Variants in GRM5 observed in about 807,000 individuals in gnomAD.
The protein encoded by GRM5 is metabotropic glutamate receptor 5.
GRM5 carries 19 observed loss-of-function variants against 83.1 expected under a neutral mutation model. The ratio of observed to expected loss-of-function variants is 0.23; its 90% confidence interval spans 0.16 to 0.34. The LOEUF is 0.34. Among genes scored for constraint, GRM5 ranks in the 10% least tolerant of loss-of-function variants. The pLI, the probability that GRM5 is intolerant of heterozygous loss-of-function variation, is 1.00. For missense variants in GRM5, 1,160 were observed against 1,588.3 expected, an observed-to-expected ratio of 0.73 and a Z score of 4.58; for synonymous variants, 675 against 633.6, an observed-to-expected ratio of 1.07 and a Z score of -0.98.
At chr11:88,951,411 T>C (rs1251154699) in intron 2 of GRM5, among the ~76,000 whole-genome samples, 1 of 152,246 alleles carries the variant, frequency 6.6e-6, no homozygotes, top group Non-Finnish European at 1.5e-5. Flanking sequence ...GCTCTGGGCC[T>C]CCTTGCAAGT....
chr11:88,643,731 C>T (rs534138973), intron 4 of GRM5, among the ~76,000 whole-genome samples: 1 of 148,912 alleles, frequency 6.7e-6, no homozygotes, highest in Non-Finnish European at 1.5e-5. Flanking sequence ...TCTAGCTACT[C>T]TCTCCCAAGC....
At chr11:88,594,147 A>G (rs1283409921) in intron 6 of GRM5, among the ~76,000 whole-genome samples, 1 of 152,176 alleles carries the variant, frequency 6.6e-6, no homozygotes, top group Non-Finnish European at 1.5e-5. Context: ...ATAAACAAAA[A>G]TTATGTGGTA....
In GRM5 at chr11:88,916,346, A is replaced by T. The variant is rs186375852; in HGVS notation, c.662-66191T>A. ...CAAGGCAGTAGGACAGAGAATCTGT[A>T]TGCTTGGTAGAAGGAGAGTGCATTG... is the stretch of plus-strand genomic sequence containing the variant. On this transcript the variant is annotated intron_variant, in intron 2 of 9. Coordinates refer to ENST00000305447, the MANE Select transcript of GRM5 (RefSeq NM_001143831.3). 8.5e-5 allele frequency among the ~76,000 whole-genome samples: 13 copies of T among 152,258 alleles called. No homozygotes were observed. The East Asian group carries it at 2.5e-3, about 29-fold the overall frequency.
intron 9 of GRM5, among the ~76,000 whole-genome samples, chr11:88,520,196 A>G (rs934093492): frequency 1.3e-5 from 2 of 152,184 alleles, no homozygotes; most frequent in African/African-American, 2.4e-5. Flanking sequence ...TGTGGGATAC[A>G]TGGTAATCAT....
chr11:88,871,971 G>GA (rs898612447), intron 2 of GRM5, among the ~76,000 whole-genome samples: 79 of 150,748 alleles, frequency 5.2e-4, no homozygotes, highest in African/African-American at 1.9e-3. Flanking sequence ...TAAATGTTAG[G>GA]AAAAAAAACA....
chr11:88,656,738 T>G (rs1313988965), intron 3 of GRM5, among the ~76,000 whole-genome samples: 1 of 152,134 alleles, frequency 6.6e-6, no homozygotes, highest in Non-Finnish European at 1.5e-5. Flanking sequence ...GGGTTCCATA[T>G]TCACAGATTT....
At chr11:88,755,156 A>G (rs1481267801) in intron 3 of GRM5, among the ~76,000 whole-genome samples, 4 of 152,206 alleles carry the variant, frequency 2.6e-5, no homozygotes, top group Admixed American at 6.6e-5. Flanking sequence ...AGATGTTTCA[A>G]TAAGGCATTT....
intron 2 of GRM5, among the ~76,000 whole-genome samples, chr11:88,990,532 T>C (rs1233995220): frequency 1.3e-5 from 2 of 151,484 alleles, no homozygotes; most frequent in African/African-American, 4.9e-5. Context: ...ATCATTCTGA[T>C]ACCAAAGCCT....
At chr11:88,958,275 T>A (rs889569758) in intron 2 of GRM5, among the ~76,000 whole-genome samples, 11 of 150,428 alleles carry the variant, frequency 7.3e-5, no homozygotes, top group Non-Finnish European at 1.3e-4. Flanking sequence ...TATGAATTTT[T>A]CTTTTTACTG....
chr11:88,970,006 C>A (rs569420326), intron 2 of GRM5, among the ~76,000 whole-genome samples: 9 of 152,156 alleles, frequency 5.9e-5, no homozygotes, highest in Admixed American at 4.6e-4. Flanking sequence ...TTTTCCAATA[C>A]TCAAGTAGGT....
chr11:88,567,007 T>C lies in GRM5; in HGVS notation c.2630+46A>G. On this transcript the variant is annotated intron_variant, in intron 8 of 9. Coordinates refer to ENST00000305447, the MANE Select transcript of GRM5 (RefSeq NM_001143831.3). This position sits in a 1 kb window ranked among gnomAD's most constrained non-coding sequence, Gnocchi z 7.3. Reference sequence around the variant, plus strand: ...AGACCCAGGAAACACATGCCTCTGCTCCAGTTTTAGGGGCCAGCATCCCTG... The same window carrying C: ...AGACCCAGGAAACACATGCCTCTGCCCCAGTTTTAGGGGCCAGCATCCCTG... The C allele has an allele frequency of 8.0e-7, 1 of 1,249,086 alleles. No individual in the cohort carries two copies. Among genetic ancestry groups the C allele is most frequent in the Non-Finnish European group, 1.1e-6 (1 of 883,154 alleles). The allele number at this position is 1,249,086 out of a possible 1,614,324, so 77.4% of individuals were successfully genotyped here.
intron 2 of GRM5, among the ~76,000 whole-genome samples, chr11:89,003,604 C>T (rs572735156): frequency 2.0e-5 from 3 of 152,144 alleles, no homozygotes; most frequent in African/African-American, 7.2e-5. Context: ...TTTAAAGGTG[C>T]TTTTTAAATT....
At chr11:88,962,298 T>C (rs528290901) in intron 2 of GRM5, among the ~76,000 whole-genome samples, 9 of 152,286 alleles carry the variant, frequency 5.9e-5, no homozygotes, top group African/African-American at 2.2e-4. Flanking sequence ...CACTCTTCCA[T>C]CCACACACTC....
At chr11:88,924,537 A>G (rs1307115588) in intron 2 of GRM5, among the ~76,000 whole-genome samples, 1 of 152,110 alleles carries the variant, frequency 6.6e-6, no homozygotes, top group Non-Finnish European at 1.5e-5. Flanking sequence ...ATACTAAGTC[A>G]AATAAGCCAG....
chr11:89,064,661 TG>T (rs1425650868), intron 1 of GRM5, among the ~76,000 whole-genome samples: 4 of 151,898 alleles, frequency 2.6e-5, no homozygotes, highest in African/African-American at 4.8e-5. Context: ...ATAGAGAAAC[TG>T]AGTACATGAA....
rs1942685606 is a variant in GRM5, at chr11:88,769,385, TGTTAA to T, written c.911+80516_911+80520del. On this transcript the variant is annotated intron_variant, in intron 3 of 9. Transcript: ENST00000305447. ...ACATTTATTTCTTTGTTTTGCCAAC[TGTTAA>T]GTGTCTAAAAGAAATGGCACTAGAG... is the stretch of plus-strand genomic sequence containing the variant. Among the ~76,000 whole-genome samples, 5 of 78,460 alleles carry T rather than the reference TGTTAA, an allele frequency of 6.4e-5. No homozygotes were observed. In the South Asian group the frequency reaches 1.3e-3, roughly 20 times the overall value. The allele number at this position is 78,460 out of a possible 152,430, so 51.5% of individuals were successfully genotyped here.
chr11:89,013,411 C>A (rs1454646300), intron 2 of GRM5, among the ~76,000 whole-genome samples: 3 of 152,134 alleles, frequency 2.0e-5, no homozygotes, highest in Non-Finnish European at 2.9e-5. Flanking sequence ...GAGGGTACTA[C>A]TTCATTCTCC....
At chr11:88,570,569 A>ATTTTTTT (rs1240457993) in intron 7 of GRM5, among the ~76,000 whole-genome samples, 5 of 73,872 alleles carry the variant, frequency 6.8e-5, no homozygotes, top group African/African-American at 3.4e-4. Flanking sequence ...ATATATATAT[A>ATTTTTTT]TATTTTTTTT....
intron 3 of GRM5, among the ~76,000 whole-genome samples, chr11:88,827,574 C>A (rs959656614): frequency 2.0e-5 from 3 of 152,216 alleles, no homozygotes; most frequent in African/African-American, 7.2e-5. Flanking sequence ...TGTACCAGAA[C>A]ATAAAACTAC....
Sources: gnomAD v4.1 joint callset for allele counts (sites outside exome capture counted in the v4.1 genomes callset) on GRCh38, gnomAD v4.1.1 for gene constraint, Gnocchi (gnomAD v3.1) non-coding constraint, MANE v1.5 for transcripts, NCBI Gene and HGNC (gene_info 2026-07-23, HGNC 2026-07-21) for gene names.